KALRN: variants seen among roughly 807,000 people sequenced by gnomAD.
KALRN encodes kalirin.
KALRN carries 70 observed loss-of-function variants against 353.7 expected under a neutral mutation model. The ratio of observed to expected loss-of-function variants is 0.20; its 90% CI spans 0.16 to 0.24. The LOEUF (loss-of-function observed/expected upper bound fraction) is 0.24. KALRN is among the 10% of genes least tolerant of loss of function. The pLI is 1.00. For missense variants in KALRN, 2,791 were observed against 3,756.7 expected, an observed-to-expected ratio of 0.74 and a Z score of 6.72; for synonymous variants, 1,391 against 1,434.8, an observed-to-expected ratio of 0.97 and a Z score of 0.69.
At chr3:124,438,396 G>A (rs996082617) in intron 17 of KALRN, among the ~76,000 whole-genome samples, 1 of 151,932 alleles carries the variant, frequency 6.6e-6, no homozygotes, top group Non-Finnish European at 1.5e-5. Flanking sequence ...TTTCCCCAGG[G>A]GAGGAAAAAG....
intron 1 of KALRN, chr3:124,162,462 T>G (rs1302306407): frequency 1.3e-5 from 2 of 152,152 alleles, no homozygotes; most frequent in African/African-American, 4.8e-5. Flanking sequence ...GAGTTTAAAA[T>G]TTATCTGAAC....
rs560021605 is a variant in KALRN, at chr3:124,649,118, G to C, written c.5665-1690G>C. On this transcript the variant is annotated intron_variant, in intron 37 of 59. Coordinates refer to ENST00000682506, the MANE Select transcript of KALRN (RefSeq NM_001388419.1). ...GCCCTTGGCACATTTTGTCAGTTTG[G>C]GGGTGGGGGAATGGAAGGTTTGATA... Among the ~76,000 whole-genome samples, 3 of 152,266 alleles carry C rather than the reference G, an allele frequency of 2.0e-5. No individual in the cohort carries two copies. The East Asian group carries it at 5.8e-4, about 29-fold the overall frequency.
At chr3:124,226,548 G>T (rs2078526984) in intron 1 of KALRN, among the ~76,000 whole-genome samples, 1 of 152,174 alleles carries the variant, frequency 6.6e-6, no homozygotes, top group Admixed American at 6.5e-5. Flanking sequence ...TAGGCAAAAT[G>T]GTCAGAGACA....
intron 34 of KALRN, among the ~76,000 whole-genome samples, chr3:124,618,337 G>T (rs1578383765): frequency 6.6e-6 from 1 of 150,940 alleles, no homozygotes; most frequent in Non-Finnish European, 1.5e-5. Flanking sequence ...GGATGGTCTC[G>T]ATCTCTTGAC....
intron 1 of KALRN, among the ~76,000 whole-genome samples, chr3:124,213,581 G>T (rs186800397): frequency 4.6e-5 from 7 of 152,064 alleles, no homozygotes; most frequent in East Asian, 3.9e-4. Context: ...TGGCACATAG[G>T]GGGTACTAAG....
rs190507117 is a variant in KALRN at position 124,235,339 on chromosome 3, G to A, written c.263+396G>A. On this transcript the variant is annotated intron_variant, in intron 3 of 59. Transcript: ENST00000682506. ...GGTATACATACTCTACCAAGGTACAGTATATGTGTGGTATTAAATTTTCAC... is the reference window on the plus strand; with the variant it reads ...GGTATACATACTCTACCAAGGTACAATATATGTGTGGTATTAAATTTTCAC... Among the ~76,000 whole-genome samples, 282 of 152,242 alleles carry A rather than the reference G, an allele frequency of 1.9e-3. 1 individual carries two copies. Among genetic ancestry groups the A allele is most frequent in the African/African-American group, 6.6e-3 (275 of 41,534 alleles).
At position 124,538,850 on chromosome 3, in the gene KALRN, G is replaced by A. The variant is rs558432339; in HGVS notation, c.4936-23993G>A. ...AAGTTAGAACTTAAGAATGCTTTTC[G>A]ATCTTTTTTTGAAGATTTGCTTTAT... On this transcript the variant is annotated intron_variant, in intron 33 of 59. Coordinates refer to ENST00000682506, the MANE Select transcript of KALRN (RefSeq NM_001388419.1). Among the ~76,000 whole-genome samples the A allele has an allele frequency of 4.5e-4, 68 of 152,306 alleles. No homozygotes were observed. The South Asian group carries it at 0.013, about 30-fold the overall frequency.
At chr3:124,617,596 A>G (rs1050058078) in intron 34 of KALRN, among the ~76,000 whole-genome samples, 5 of 152,214 alleles carry the variant, frequency 3.3e-5, no homozygotes, top group African/African-American at 1.2e-4. Context: ...AAATTAGACT[A>G]AAGTGAAGGG....
chr3:124,117,635 C>T (rs997799625), intron 1 of KALRN, among the ~76,000 whole-genome samples: 3 of 151,632 alleles, frequency 2.0e-5, no homozygotes, highest in South Asian at 2.1e-4. Flanking sequence ...GTGTGTGTGT[C>T]GGGGGAGTGG....
chr3:124,192,172 G>T (rs564748136), intron 1 of KALRN, among the ~76,000 whole-genome samples: 186 of 152,334 alleles, frequency 1.2e-3, no homozygotes, highest in Non-Finnish European at 1.0e-3. Context: ...TTAAACAGGT[G>T]ATTAGAGTGA....
At chr3:124,214,914 T>C (rs1216208330) in intron 1 of KALRN, among the ~76,000 whole-genome samples, 2 of 152,334 alleles carry the variant, frequency 1.3e-5, no homozygotes, top group East Asian at 1.9e-4. Flanking sequence ...CTCTGAAGGC[T>C]GCCTACTAGG....
At chr3:124,685,710 C>A (rs2061526653) in intron 51 of KALRN, among the ~76,000 whole-genome samples, 1 of 152,190 alleles carries the variant, frequency 6.6e-6, no homozygotes, top group Non-Finnish European at 1.5e-5. Context: ...GCCAGAGCAA[C>A]CAAGAAAGGA....
intron 40 of KALRN, 52 bp downstream of exon 40, chr3:124,657,603 G>C: frequency 2.1e-6 from 3 of 1,462,430 alleles, no homozygotes; most frequent in Non-Finnish European, 2.9e-6. Flanking sequence ...TCCAGGACTT[G>C]AGTCCTCTTC....
At position 124,334,393 on chromosome 3, in the gene KALRN, G is replaced by A. The variant is rs766098131; in HGVS notation, c.1545G>A (p.Glu515=). The part of the protein sequence containing the change: ...AVHQVLDVVH[E]VLHHQRRLES... ...ACCAGGTGCTGGACGTGGTGCATGA[G>A]GTGTTACATCACCAGCGACGGCTGG... Residue 515 remains glutamate (E), a synonymous_variant, in exon 9 of 60, where the codon GAG becomes GAA. Coordinates refer to ENST00000682506, the MANE Select transcript of KALRN (RefSeq NM_001388419.1). The surrounding 1 kb of genome is among the most constrained non-coding windows in gnomAD (Gnocchi z 4.2). 7.1e-5 allele frequency: 114 copies of A among 1,614,096 alleles called. No individual in the cohort carries two copies. The highest frequency in any genetic ancestry group is 9.3e-5 in the Non-Finnish European group (110 of 1,180,010).
intron 10 of KALRN, among the ~76,000 whole-genome samples, chr3:124,347,611 C>T (rs573530943): frequency 2.0e-5 from 3 of 152,042 alleles, no homozygotes; most frequent in African/African-American, 7.3e-5. Context: ...GCCTTGTCCA[C>T]GAGGTGGTGC....
chr3:124,315,853 G>C (rs1258034999), intron 6 of KALRN, among the ~76,000 whole-genome samples: 1 of 152,148 alleles, frequency 6.6e-6, no homozygotes, highest in African/African-American at 2.4e-5. Flanking sequence ...ATGCACATGA[G>C]AAGTCTTGAA....
intron 33 of KALRN, among the ~76,000 whole-genome samples, chr3:124,557,421 A>G (rs2071404811): frequency 6.6e-6 from 1 of 152,184 alleles, no homozygotes; most frequent in Non-Finnish European, 1.5e-5. Context: ...GAGGTGTTTC[A>G]TGTTAAGGGA....
intron 33 of KALRN, among the ~76,000 whole-genome samples, chr3:124,513,635 A>T (rs1450652247): frequency 1.3e-5 from 2 of 152,216 alleles, no homozygotes; most frequent in African/African-American, 4.8e-5. Flanking sequence ...AAAAAATGAC[A>T]TGAAACAAGT....
intron 1 of KALRN, among the ~76,000 whole-genome samples, chr3:124,110,704 C>T (rs2062879066): frequency 6.6e-6 from 1 of 152,180 alleles, no homozygotes. Context: ...TCTACCTTAA[C>T]AAAATGCTTA....
Sources: gnomAD v4.1 joint callset for allele counts (sites outside exome capture counted in the v4.1 genomes callset) on GRCh38, gnomAD v4.1.1 for gene constraint, Gnocchi (gnomAD v3.1) non-coding constraint, MANE v1.5 for transcripts, NCBI Gene and HGNC (gene_info 2026-07-23, HGNC 2026-07-21) for gene names.